GABPB2: variants seen among roughly 807,000 people sequenced by gnomAD.
GABPB2 encodes GA-binding protein subunit beta-2.
GABPB2 carries 23 observed loss-of-function variants against 39.1 expected under a neutral mutation model. That is an observed-to-expected ratio of 0.59 (90% CI 0.42 to 0.83). GABPB2 has a LOEUF of 0.83. GABPB2 is among the 40% of genes least tolerant of loss of function. The pLI is 0.00. For missense variants in GABPB2, 467 were observed against 541.1 expected, an observed-to-expected ratio of 0.86 and a Z score of 1.36; for synonymous variants, 184 against 199.3, an observed-to-expected ratio of 0.92 and a Z score of 0.65.
At chr1:151,114,171 C>T (rs1316466278) in intron 7 of GABPB2, among the ~76,000 whole-genome samples, 2 of 151,024 alleles carry the variant, frequency 1.3e-5, no homozygotes, top group Non-Finnish European at 2.9e-5. Flanking sequence ...TATGACGAAA[C>T]CCATCTCTAA....
At chr1:151,108,223 G>A (rs921758509) in intron 7 of GABPB2, among the ~76,000 whole-genome samples, 7 of 152,160 alleles carry the variant, frequency 4.6e-5, no homozygotes, top group South Asian at 2.1e-4. Context: ...AGGCTGGAGC[G>A]CAGTGGCAGG....
chr1:151,117,570 G>T, intron 8 of GABPB2, 54 bp downstream of exon 8: 1 of 1,557,838 alleles, frequency 6.4e-7, no homozygotes, highest in South Asian at 1.1e-5. Context: ...ATTAAGGCCT[G>T]AACCCTTCTT....
rs1681172669 is a variant in GABPB2 at position 151,121,231 on chromosome 1, GCT to G, written c.*2978_*2979del. ...CCTTTTGATCTGGCATGAGTAAATT[GCT>G]CTGTTTCCTTAAGCTTGGGTCTGTT... On this transcript the variant is annotated 3_prime_UTR_variant, in exon 9 of 9. Coordinates refer to ENST00000368918, the MANE Select transcript of GABPB2 (RefSeq NM_144618.3). 1 of 152,144 alleles carries G rather than the reference GCT, an allele frequency of 6.6e-6. No individual in the cohort carries two copies. Among genetic ancestry groups the G allele is most frequent in the African/African-American group, 2.4e-5 (1 of 41,414 alleles). The allele number at this position is 152,144 out of a possible 1,614,324, so 9.4% of individuals were successfully genotyped here. A position where few individuals can be genotyped will look rare whatever the true frequency, so the allele number is the denominator to read the frequency against.
intron 7 of GABPB2, 126 bp from the exon 8 acceptor site, chr1:151,117,266 C>T (rs1680947621): frequency 3.1e-6 from 3 of 979,224 alleles, no homozygotes; most frequent in Non-Finnish European, 4.6e-6. Context: ...GTAGCTAGGA[C>T]CACAGGCACA....
At chr1:151,113,488 A>T (rs1331840505) in intron 7 of GABPB2, among the ~76,000 whole-genome samples, 1 of 151,860 alleles carries the variant, frequency 6.6e-6, no homozygotes, top group Non-Finnish European at 1.5e-5. Context: ...AAAAAAAAAA[A>T]ATGCTGTGAT....
chr1:151,086,818 C>T (rs1251871816), intron 1 of GABPB2, among the ~76,000 whole-genome samples: 1 of 152,002 alleles, frequency 6.6e-6, no homozygotes, highest in Non-Finnish European at 1.5e-5. Flanking sequence ...TAGGCACGTA[C>T]CACCATGCCC....
intron 4 of GABPB2, 148 bp downstream of exon 4, chr1:151,093,534 C>T: frequency 1.8e-6 from 1 of 546,442 alleles, no homozygotes; most frequent in Non-Finnish European, 3.2e-6. Flanking sequence ...TCATTAGTAT[C>T]TTTAAAATAC....
chr1:151,096,245 G>T (rs1679087592), intron 4 of GABPB2, among the ~76,000 whole-genome samples: 1 of 152,014 alleles, frequency 6.6e-6, no homozygotes, highest in Non-Finnish European at 1.5e-5. Flanking sequence ...GCAACTCGAT[G>T]AAACCCTGTC....
intron 4 of GABPB2, among the ~76,000 whole-genome samples, chr1:151,096,340 T>C (rs587759609): frequency 6.6e-6 from 1 of 151,352 alleles, no homozygotes; most frequent in East Asian, 2.0e-4. Context: ...GCAGGAACCC[T>C]GGAGGCGGAG....
chr1:151,101,649 T>A (rs1190155027), intron 5 of GABPB2, among the ~76,000 whole-genome samples: 1 of 152,062 alleles, frequency 6.6e-6, no homozygotes, highest in Non-Finnish European at 1.5e-5. Flanking sequence ...CTTCTACTTC[T>A]ATACTAACAA....
At chr1:151,112,881 C>T (rs1359964704) in intron 7 of GABPB2, among the ~76,000 whole-genome samples, 16 of 151,930 alleles carry the variant, frequency 1.1e-4, no homozygotes, top group African/African-American at 4.8e-5. Flanking sequence ...AGTGATTCCC[C>T]TGCCTCAGCC....
At chr1:151,087,728 C>CAG (rs1678325356) in intron 1 of GABPB2, among the ~76,000 whole-genome samples, 1 of 152,124 alleles carries the variant, frequency 6.6e-6, no homozygotes, top group Non-Finnish European at 1.5e-5. Context: ...TACAAACCTC[C>CAG]AGAGAGAGCA....
intron 6 of GABPB2, among the ~76,000 whole-genome samples, chr1:151,105,992 G>C (rs1012090075): frequency 1.2e-4 from 18 of 145,014 alleles, no homozygotes; most frequent in Non-Finnish European, 2.0e-4. Flanking sequence ...ATGGAATCTC[G>C]CTCTTGTCAC....
intron 1 of GABPB2, among the ~76,000 whole-genome samples, chr1:151,079,242 A>G (rs1677444663): frequency 1.3e-5 from 2 of 152,056 alleles, no homozygotes; most frequent in African/African-American, 4.8e-5. Context: ...CAGAAAGATG[A>G]TTAAAGAAGA....
At chr1:151,073,615 G>A (rs1281069714) in intron 1 of GABPB2, among the ~76,000 whole-genome samples, 1 of 152,092 alleles carries the variant, frequency 6.6e-6, no homozygotes, top group Non-Finnish European at 1.5e-5. Context: ...TTAAGTGAAA[G>A]CAAGTTGCTT....
chr1:151,077,118 CAT>C (rs773759179), intron 1 of GABPB2, among the ~76,000 whole-genome samples: 6 of 152,068 alleles, frequency 3.9e-5, no homozygotes, highest in Non-Finnish European at 8.8e-5. Flanking sequence ...TGATTTTTCA[CAT>C]AGGCTTTTTA....
chr1:151,071,821 G>A (rs1027806258), intron 1 of GABPB2, among the ~76,000 whole-genome samples: 1 of 152,182 alleles, frequency 6.6e-6, no homozygotes, highest in Non-Finnish European at 1.5e-5. Flanking sequence ...GCCCAGTGGG[G>A]ACTTGAGCAA....
intron 1 of GABPB2, among the ~76,000 whole-genome samples, chr1:151,071,844 C>G (rs907817353): frequency 3.3e-5 from 5 of 152,206 alleles, no homozygotes; most frequent in Non-Finnish European, 7.3e-5. Context: ...CTAAAAGAAC[C>G]ATAGATTCTT....
chr1:151,086,133 T>C (rs1293947443), intron 1 of GABPB2, among the ~76,000 whole-genome samples: 1 of 151,988 alleles, frequency 6.6e-6, no homozygotes. Context: ...TAGTCCCAGC[T>C]ACTCGGGAAG....
Sources: gnomAD v4.1 joint callset for allele counts (sites outside exome capture counted in the v4.1 genomes callset) on GRCh38, gnomAD v4.1.1 for gene constraint, MANE v1.5 for transcripts, NCBI Gene and HGNC (gene_info 2026-07-23, HGNC 2026-07-21) for gene names.